The following MYO9A variants were observed in gnomAD, a reference collection of about 807,000 sequenced individuals.
The protein encoded by MYO9A is unconventional myosin-IXa.
MYO9A carries 103 observed loss-of-function variants against 293.3 expected under a neutral mutation model. The ratio of observed to expected loss-of-function variants is 0.35; its 90% CI spans 0.30 to 0.41. The LOEUF (loss-of-function observed/expected upper bound fraction) is 0.41, where lower values mean the gene tolerates loss of function less well. Among genes scored for constraint, MYO9A ranks in the 10% least tolerant of loss-of-function variants. MYO9A has a pLI of 1.00. For missense variants in MYO9A, 2,685 were observed against 3,033.0 expected (o/e 0.89, Z 2.69); for synonymous variants, 1,001 against 1,035.7 (o/e 0.97, Z 0.64).
chr15:72,088,825 C>T lies in MYO9A; in HGVS notation c.-72+28855G>A, dbSNP rs1473760613. 3.9e-5 allele frequency among the ~76,000 whole-genome samples: 6 copies of T among 152,346 alleles called. No individual in the cohort carries two copies. The East Asian group carries it at 1.2e-3, about 29-fold the overall frequency. The stretch of plus-strand genomic sequence containing the variant: ...TCCAGAACTTAAAAAAACTGCTCTT[C>T]AAATACTATCTAAATACAGTCCAGC... On this transcript the variant is annotated intron_variant, in intron 1 of 41. Coordinates refer to ENST00000356056, the MANE Select transcript of MYO9A (RefSeq NM_006901.4).
In MYO9A at chr15:71,951,761, G is replaced by T; in HGVS notation, c.2302+16C>A. On this transcript the variant is annotated intron_variant, in intron 15 of 41. Coordinates refer to ENST00000356056, the MANE Select transcript of MYO9A (RefSeq NM_006901.4). ...ATGGATATGTGATAACAGTTTATCA[G>T]GATTTGTAGCCTTACTGTACTTCTC... is the stretch of plus-strand genomic sequence containing the variant. The T allele has an allele frequency of 6.2e-7, 1 of 1,613,524 alleles. No homozygotes were observed. Among genetic ancestry groups the T allele is most frequent in the Non-Finnish European group, 8.5e-7 (1 of 1,179,840 alleles).
intron 4 of MYO9A, among the ~76,000 whole-genome samples, chr15:72,026,275 GAAAA>G (rs35491673): frequency 1.6e-5 from 1 of 63,500 alleles, no homozygotes; most frequent in African/African-American, 6.7e-5. Flanking sequence ...TCCGTCTCAA[GAAAA>G]AAAAAAAAAA....
chr15:71,952,365 T>C (rs1413638024), intron 14 of MYO9A, among the ~76,000 whole-genome samples: 2 of 152,144 alleles, frequency 1.3e-5, no homozygotes, highest in Non-Finnish European at 2.9e-5. Flanking sequence ...TTCCAACAAG[T>C]GTGTCAATAA....
chr15:71,926,815 C>G (rs1462273439), intron 18 of MYO9A, among the ~76,000 whole-genome samples: 1 of 152,206 alleles, frequency 6.6e-6, no homozygotes, highest in African/African-American at 2.4e-5. Context: ...CAGCCTGGCC[C>G]TCAGACCCTG....
intron 18 of MYO9A, among the ~76,000 whole-genome samples, chr15:71,918,465 C>T (rs1312150196): frequency 6.6e-6 from 1 of 151,930 alleles, no homozygotes; most frequent in Non-Finnish European, 1.5e-5. Context: ...TATTTCCTGA[C>T]ATGGGAAAAT....
At chr15:71,900,428 T>C (rs1404976060) in intron 23 of MYO9A, among the ~76,000 whole-genome samples, 2 of 151,846 alleles carry the variant, frequency 1.3e-5, no homozygotes, top group African/African-American at 4.8e-5. Flanking sequence ...AGAGTGAGAC[T>C]CTGTCTCAAA....
chr15:71,936,336 C>A (rs963826373), intron 16 of MYO9A, among the ~76,000 whole-genome samples: 1 of 151,926 alleles, frequency 6.6e-6, no homozygotes, highest in Non-Finnish European at 1.5e-5. Flanking sequence ...TGGAGGGGTG[C>A]AGTAAGCAGA....
intron 4 of MYO9A, among the ~76,000 whole-genome samples, chr15:72,026,297 G>A (rs2929519): frequency 0.07 from 7,280 of 104,450 alleles, 151 homozygotes; most frequent in Non-Finnish European, 0.085. Flanking sequence ...AAAAAAAAAA[G>A]AAAGAAAAGA....
At chr15:72,087,574 T>C (rs1472777555) in intron 1 of MYO9A, among the ~76,000 whole-genome samples, 1 of 152,160 alleles carries the variant, frequency 6.6e-6, no homozygotes, top group East Asian at 1.9e-4. Context: ...CAAGTCCTGG[T>C]GCATAGTAGC....
chr15:71,955,785 G>C (rs556792360), intron 14 of MYO9A, among the ~76,000 whole-genome samples: 1 of 152,070 alleles, frequency 6.6e-6, no homozygotes, highest in African/African-American at 2.4e-5. Context: ...ATCAATTTTA[G>C]AACATTTTGA....
At position 71,974,129 on chromosome 15, in the gene MYO9A, A is replaced by G. The variant is rs191243103; in HGVS notation, c.1844+4042T>C. The stretch of plus-strand genomic sequence containing the variant: ...AAACAAACAAACAAACAAAAACCAA[A>G]AAACAGAAAATATCGCATGGATTTG... On this transcript the variant is annotated intron_variant, in intron 12 of 41. Transcript: ENST00000356056. Among the ~76,000 whole-genome samples the G allele has an allele frequency of 5.5e-4, 84 of 152,278 alleles. 2 individuals carry two copies. Among genetic ancestry groups the G allele is most frequent in the Admixed American group, 4.8e-3 (74 of 15,290 alleles).
intron 11 of MYO9A, among the ~76,000 whole-genome samples, chr15:71,987,540 A>T (rs1190277968): frequency 6.6e-6 from 1 of 152,104 alleles, no homozygotes; most frequent in Non-Finnish European, 1.5e-5. Flanking sequence ...ACCCTGGAAA[A>T]TTTTTGCAGC....
At chr15:72,030,905 G>A (rs2077845266) in intron 3 of MYO9A, among the ~76,000 whole-genome samples, 1 of 152,160 alleles carries the variant, frequency 6.6e-6, no homozygotes, top group African/African-American at 2.4e-5. Flanking sequence ...CCCAGGGCAT[G>A]GACTCGTAGC....
rs147372920 is a variant in MYO9A at position 71,967,114 on chromosome 15, G to C, written c.1986+870C>G. 7.4e-4 allele frequency among the ~76,000 whole-genome samples: 113 copies of C among 152,242 alleles called. No individual in the cohort carries two copies. In the East Asian group the frequency reaches 0.019, roughly 25 times the overall value. On this transcript the variant is annotated intron_variant, in intron 13 of 41. Coordinates refer to ENST00000356056, the MANE Select transcript of MYO9A (RefSeq NM_006901.4). ...TTAAGTTTCTTAGAGAAGTGTTCAT[G>C]TATTCACAAATTCAAAATCCACTAT...
At chr15:72,045,475 A>C in intron 2 of MYO9A, 1 of 277,628 alleles carries the variant, frequency 3.6e-6, no homozygotes, top group Non-Finnish European at 6.8e-6. Context: ...CATGTTGGTC[A>C]GGCTGGTCTG....
chr15:72,110,130 G>GA (rs1198103564), intron 1 of MYO9A, among the ~76,000 whole-genome samples: 1 of 151,046 alleles, frequency 6.6e-6, no homozygotes, highest in Non-Finnish European at 1.5e-5. Flanking sequence ...GCTGTCTCAA[G>GA]AAAAAAACAA....
At chr15:71,958,385 G>A (rs553781754) in intron 14 of MYO9A, 31 of 152,260 alleles carry the variant, frequency 2.0e-4, no homozygotes, top group Non-Finnish European at 4.3e-4. Flanking sequence ...AGGAAGCGGT[G>A]TGGAGAAAAT....
At chr15:71,874,396 T>C (rs147951192) in intron 32 of MYO9A, among the ~76,000 whole-genome samples, 1 of 152,038 alleles carries the variant, frequency 6.6e-6, no homozygotes, top group Admixed American at 6.6e-5. Flanking sequence ...TGGGAAGTGA[T>C]GGCAGCAAAT....
At chr15:72,022,918 G>C (rs994401337) in intron 4 of MYO9A, among the ~76,000 whole-genome samples, 10 of 152,072 alleles carry the variant, frequency 6.6e-5, no homozygotes, top group African/African-American at 2.4e-4. Context: ...AGACAGTATA[G>C]CCGATACAAA....
Sources: gnomAD v4.1 joint callset for allele counts (sites outside exome capture counted in the v4.1 genomes callset) on GRCh38, gnomAD v4.1.1 for gene constraint, MANE v1.5 for transcripts, NCBI Gene and HGNC (gene_info 2026-07-23, HGNC 2026-07-21) for gene names.